The following SYNE2 variants were observed in gnomAD, a reference collection of about 807,000 sequenced individuals.
SYNE2 encodes nesprin-2.
SYNE2 carries 431 observed loss-of-function variants against 856.3 expected under a neutral mutation model. The ratio of observed to expected loss-of-function variants is 0.50; its 90% CI spans 0.47 to 0.55. The LOEUF is 0.55. Ranked by LOEUF, SYNE2 falls within the 20% of genes least tolerant of loss-of-function variation. The pLI, the probability that SYNE2 is intolerant of heterozygous loss-of-function variation, is 0.00. For missense variants in SYNE2, 8,129 were observed against 8,023.2 expected (o/e 1.01, Z -0.50); for synonymous variants, 2,923 against 2,872.3 (o/e 1.02, Z -0.56).
chr14:64,027,475 G>C lies in SYNE2; in HGVS notation c.6405-9G>C, dbSNP rs996735137. 1 of 1,563,244 alleles carries C rather than the reference G, an allele frequency of 6.4e-7. No homozygotes were observed. On this transcript the variant is annotated splice_polypyrimidine_tract_variant and intron_variant, in intron 42 of 115. Coordinates refer to ENST00000555002, the MANE Select transcript of SYNE2 (RefSeq NM_182914.3). ...TCATTTAATTTATAAAATATTTTGT[G>C]AAATTTAGCCATCAAGAAAAGCTTC...
chr14:64,163,473 A>G lies in SYNE2; in HGVS notation c.16371A>G (p.Pro5457=). The change falls in exon 89 of 116, where the codon CCA becomes CCG. Residue 5457 remains proline (P), a synonymous_variant. Transcript: ENST00000555002. ...LQNSSVLDRL[P]QPAESSTHML... ...ATTCCAGTGTCCTGGATCGACTCCC[A>G]CAACCCGCAGAGTCCAGCACCCACA... 1 of 1,614,160 alleles carries G rather than the reference A, an allele frequency of 6.2e-7. No individual in the cohort carries two copies. The highest frequency in any genetic ancestry group is 8.5e-7 in the Non-Finnish European group (1 of 1,180,044).
chr14:63,888,872 A>G lies in SYNE2; in HGVS notation c.-51-20226A>G, dbSNP rs191683845. ...AAAATACTGATGCTTAATATTTAGCAGAACCAAAAAAATTGTGGTATAATT... is the reference window on the plus strand; with the variant it reads ...AAAATACTGATGCTTAATATTTAGCGGAACCAAAAAAATTGTGGTATAATT... On this transcript the variant is annotated intron_variant, in intron 1 of 115. Transcript: ENST00000555002. 4.3e-3 allele frequency among the ~76,000 whole-genome samples: 660 copies of G among 152,312 alleles called. 8 individuals are homozygous for G. Among genetic ancestry groups the G allele is most frequent in the Non-Finnish European group, 5.4e-3 (367 of 68,020 alleles).
At chr14:63,822,375 C>T (rs1595145603) in intron 1 of SYNE2, among the ~76,000 whole-genome samples, 1 of 152,186 alleles carries the variant, frequency 6.6e-6, no homozygotes, top group African/African-American at 2.4e-5. Flanking sequence ...CCTGTGGCAG[C>T]TCCCTGAAAA....
intron 56 of SYNE2, 43 bp from the exon 57 acceptor site, chr14:64,081,400 T>C (rs1396915627): frequency 1.2e-6 from 2 of 1,613,682 alleles, no homozygotes; most frequent in East Asian, 2.2e-5. Flanking sequence ...TCAGCTCCAG[T>C]AAAAGGCATC....
chr14:63,870,035 C>G (rs1224270713), intron 1 of SYNE2, among the ~76,000 whole-genome samples: 1 of 152,164 alleles, frequency 6.6e-6, no homozygotes, highest in Non-Finnish European at 1.5e-5. Context: ...ATACATCTTT[C>G]AAAACATTAT....
At chr14:63,891,715 A>G (rs1329925729) in intron 1 of SYNE2, among the ~76,000 whole-genome samples, 4 of 152,090 alleles carry the variant, frequency 2.6e-5, no homozygotes, top group Admixed American at 6.6e-5. Flanking sequence ...AGACTTGGAC[A>G]TGACAAGACA....
chr14:64,123,941 A>C (rs1260848572), intron 70 of SYNE2, among the ~76,000 whole-genome samples: 4 of 149,018 alleles, frequency 2.7e-5, no homozygotes, highest in Non-Finnish European at 5.9e-5. Context: ...GCAGTGGCTC[A>C]CGCCTATAAT....
At chr14:63,939,381 A>G (rs2095874792) in intron 2 of SYNE2, among the ~76,000 whole-genome samples, 2 of 135,092 alleles carry the variant, frequency 1.5e-5, no homozygotes, top group African/African-American at 5.8e-5. Flanking sequence ...GAAGTCTCGC[A>G]TTGTCACCCA....
chr14:63,899,758 T>G (rs997323175), intron 1 of SYNE2, among the ~76,000 whole-genome samples: 2 of 152,212 alleles, frequency 1.3e-5, no homozygotes, highest in African/African-American at 4.8e-5. Flanking sequence ...TGCCTTGGCT[T>G]CCCACAGTGC....
At chr14:64,221,737 C>T (rs1455041668) in intron 112 of SYNE2, 33 bp downstream of exon 112, 2 of 1,612,566 alleles carry the variant, frequency 1.2e-6, no homozygotes, top group South Asian at 1.1e-5. Context: ...TGTACTGCCA[C>T]CAGCCTCTGT....
Position 63,839,758 on chromosome 14 carries a change from C to T in SYNE2, c.-304-12743C>T, listed in dbSNP as rs180675454. Among the ~76,000 whole-genome samples, 3 of 152,214 alleles carry T rather than the reference C, an allele frequency of 2.0e-5. No individual in the cohort carries two copies. The East Asian group carries it at 5.8e-4, about 29-fold the overall frequency. On this transcript the variant is annotated intron_variant, in intron 1 of 23. Transcript: ENST00000674003. ...TTAAAAAATAGATATTTTCTGGATT[C>T]TAGGTCTTTATTATGTGCGGAAAAG...
In SYNE2 at chr14:64,098,133, C is replaced by A. The variant is rs142169651; in HGVS notation, c.12293C>A (p.Ala4098Asp). 155 of 1,614,040 alleles carry A rather than the reference C, an allele frequency of 9.6e-5. No individual in the cohort carries two copies. The African/African-American group carries it at 2.0e-3, about 21-fold the overall frequency. Residue 4098 changes from alanine (A) to aspartate (D), a missense_variant, in exon 62 of 116, where the codon GCT (alanine) becomes GAT (aspartate). Around this residue, in one of 3 missense-constraint regions of SYNE2, gnomAD observed 5,410 missense variants for 5,284.8 expected, o/e 1.02. Coordinates refer to ENST00000555002, the MANE Select transcript of SYNE2 (RefSeq NM_182914.3). The stretch of plus-strand genomic sequence containing the variant: ...GAAGGTGGAGTGGCAGAGAGGGATG[C>A]TTCTGAGCGGAAGGTGGGTATGACT... The part of the protein sequence containing the change: ...SEEGGVAERD[A>D]SERKLNRRGS...
intron 75 of SYNE2, 59 bp downstream of exon 75, chr14:64,129,960 T>C (rs2097997008): frequency 6.2e-7 from 1 of 1,613,868 alleles, no homozygotes; most frequent in East Asian, 2.2e-5. Context: ...CAGATCCTTT[T>C]CTTCCACCAG....
chr14:63,909,440 C>T (rs544711028), intron 2 of SYNE2, among the ~76,000 whole-genome samples: 7 of 152,176 alleles, frequency 4.6e-5, no homozygotes, highest in Admixed American at 2.6e-4. Flanking sequence ...TTGCTATCTC[C>T]AGTTTCTTAC....
chr14:64,114,967 C>T (rs747028496), intron 66 of SYNE2, among the ~76,000 whole-genome samples: 5 of 152,174 alleles, frequency 3.3e-5, no homozygotes, highest in African/African-American at 7.2e-5. Flanking sequence ...CTGGCACTGC[C>T]GCTTGGCCTG....
chr14:63,804,152 C>G (rs370016371), intron 1 of SYNE2, among the ~76,000 whole-genome samples: 48 of 152,276 alleles, frequency 3.2e-4, no homozygotes, highest in African/African-American at 1.1e-3. Context: ...CATAAATTAC[C>G]CAGTCTCAGG....
At chr14:63,797,509 C>T (rs1887965787) in intron 1 of SYNE2, among the ~76,000 whole-genome samples, 1 of 152,036 alleles carries the variant, frequency 6.6e-6, no homozygotes. Context: ...ACAGATGCAA[C>T]CTGCTCACTG....
chr14:64,007,011 G>A (rs2096801571), intron 30 of SYNE2, 32 bp from the exon 31 acceptor site: 1 of 1,549,026 alleles, frequency 6.5e-7, no homozygotes, highest in Non-Finnish European at 8.9e-7. Context: ...TTAACAGTTG[G>A]CTATCAAACT....
At chr14:63,774,726 G>T (rs907015301) in intron 1 of SYNE2, among the ~76,000 whole-genome samples, 2 of 151,628 alleles carry the variant, frequency 1.3e-5, no homozygotes, top group Admixed American at 1.3e-4. Flanking sequence ...AAATAAAATA[G>T]CTATAATTTG....
Sources: allele counts gnomAD v4.1 joint callset (sites outside exome capture counted in the v4.1 genomes callset), GRCh38; gene constraint gnomAD v4.1.1; regional missense constraint gnomAD v4.1.1; transcripts MANE v1.5; gene names NCBI Gene and HGNC (gene_info 2026-07-23, HGNC 2026-07-21).